SIGLEC9: variants seen among roughly 807,000 people sequenced by gnomAD.
SIGLEC9 encodes the protein sialic acid-binding Ig-like lectin 9.
A neutral mutation model predicts 38.3 loss-of-function variants in SIGLEC9; 26 were observed. The observed-to-expected ratio is 0.68, with a 90% confidence interval of 0.50 to 0.94. The LOEUF (loss-of-function observed/expected upper bound fraction) is 0.94. SIGLEC9 is among the 40% of genes least tolerant of loss of function. The pLI, the probability that SIGLEC9 is intolerant of heterozygous loss-of-function variation, is 0.00. For missense variants in SIGLEC9, 556 were observed against 585.7 expected (o/e 0.95, Z 0.52); for synonymous variants, 236 against 248.0 (o/e 0.95, Z 0.45).
At chr19:51,119,834 T>A in the SIGLEC9 span, among the ~76,000 whole-genome samples, 1 of 152,210 alleles carries the variant, frequency 6.6e-6, no homozygotes, top group Non-Finnish European at 1.5e-5. Flanking sequence ...TGCTCATGGC[T>A]CAAGGCACAG....
rs770809960 is a variant in SIGLEC9, at chr19:51,129,965, G to A, written c.1278G>A (p.Val426=). 1 of 1,614,006 alleles carries A rather than the reference G, an allele frequency of 6.2e-7. No homozygotes were observed. ...CCCCAGCTTCTGCCCGCTCCTCAGT[G>A]GGGGAAGGAGAGCTCCAGTATGCAT... The part of the protein sequence containing the change: ...QPPPASARSS[V]GEGELQYASL... The change falls in exon 7 of 7, where the codon GTG becomes GTA. Residue 426 remains valine (V), a synonymous_variant. Transcript: ENST00000250360.
chr19:51,130,740 A>G (rs150959984), downstream of SIGLEC9, among the ~76,000 whole-genome samples: 561 of 152,194 alleles, frequency 3.7e-3, 2 homozygotes, highest in African/African-American at 0.01. Context: ...CAGCCCATCC[A>G]TGGCTCCTGG....
In SIGLEC9 at chr19:51,125,579, T is replaced by TC. The variant is rs1468906138; in HGVS notation, c.422-13dup. 6.2e-7 allele frequency: 1 copy of TC among 1,607,178 alleles called. No homozygotes were observed. Among genetic ancestry groups the TC allele is most frequent in the African/African-American group, 1.3e-5 (1 of 74,768 alleles). ...ATGGATCCTCTGACCTGATCCTGAG[T>TC]CCCCCTCTCTTCACCAGCCTTGACC... On this transcript the variant is annotated splice_polypyrimidine_tract_variant and intron_variant, in intron 1 of 6. Transcript: ENST00000250360.
chr19:51,128,400 G>T lies in SIGLEC9; in HGVS notation c.1107-14G>T. The T allele has an allele frequency of 6.2e-7, 1 of 1,613,228 alleles. No homozygotes were observed. The highest frequency in any genetic ancestry group is 8.5e-7 in the Non-Finnish European group (1 of 1,179,288). On this transcript the variant is annotated splice_polypyrimidine_tract_variant and intron_variant, in intron 5 of 6. Coordinates refer to ENST00000250360, the MANE Select transcript of SIGLEC9 (RefSeq NM_014441.3). ...TCTGACCACACTGAAAGGCTCTCTG[G>T]TCTCTTCACTCAGAGTGAGGTCCTG...
chr19:51,133,424 A>AC (rs1261448207), downstream of SIGLEC9, among the ~76,000 whole-genome samples: 1 of 151,710 alleles, frequency 6.6e-6, no homozygotes, highest in Non-Finnish European at 1.5e-5. Context: ...AATACAAAAA[A>AC]AAAAAAAAAA....
At chr19:51,121,932 C>T (rs2091951028), upstream of SIGLEC9, among the ~76,000 whole-genome samples, 1 of 151,926 alleles carries the variant, frequency 6.6e-6, no homozygotes, top group African/African-American at 2.4e-5. Flanking sequence ...CCCAGCCTCC[C>T]ATCTTCCCTT....
Position 51,128,456 on chromosome 19 carries a change from C to A in SIGLEC9, c.1149C>A (p.Gly383=). The part of the protein sequence containing the change: ...CRKKSARPAA[G]VGDTGIEDAN... ...AGAAATCGGCAAGGCCAGCAGCGGG[C>A]GTGGGAGATACGGGCATAGAGGATG... Residue 383 remains glycine (G), a synonymous_variant, in exon 6 of 7, where the codon GGC becomes GGA. Coordinates refer to ENST00000250360, the MANE Select transcript of SIGLEC9 (RefSeq NM_014441.3). 6.2e-7 allele frequency: 1 copy of A among 1,614,058 alleles called. No homozygotes were observed. The highest frequency in any genetic ancestry group is 8.5e-7 in the Non-Finnish European group (1 of 1,179,978).
chr19:51,121,929 T>G (rs138553411), upstream of SIGLEC9, among the ~76,000 whole-genome samples: 1 of 149,270 alleles, frequency 6.7e-6, no homozygotes, highest in Non-Finnish European at 1.5e-5. Context: ...CTCCCCAGCC[T>G]CCCATCTTCC....
At chr19:51,128,172 C>T in intron 5 of SIGLEC9, 133 bp downstream of exon 5, 1 of 817,342 alleles carries the variant, frequency 1.2e-6, no homozygotes, top group South Asian at 1.6e-5. Context: ...GTCACAGGTG[C>T]ATGGTGAGAA....
intron 6 of SIGLEC9, 22 bp downstream of exon 6, chr19:51,128,532 C>T: frequency 6.2e-7 from 1 of 1,606,948 alleles, no homozygotes; most frequent in Non-Finnish European, 8.5e-7. Flanking sequence ...GGACTCTCCA[C>T]AGCCAGCATG....
At chr19:51,128,128 C>A in intron 5 of SIGLEC9, 89 bp downstream of exon 5, 1 of 1,076,562 alleles carries the variant, frequency 9.3e-7, no homozygotes, top group Non-Finnish European at 1.4e-6. Flanking sequence ...GCTGGAGGGA[C>A]CTGGATGGGT....
intron 6 of SIGLEC9, among the ~76,000 whole-genome samples, chr19:51,135,342 TTTGGCAGGGTATGAAAATC>T (rs1163481496): frequency 2.4e-4 from 37 of 152,326 alleles, no homozygotes; most frequent in Middle Eastern, 3.4e-3. Flanking sequence ...TGAAGCTTAG[TTTGGCAGGGTATGAAAATC>T]TTGGCTGAAA....
At position 51,125,411 on chromosome 19, in the gene SIGLEC9, C is replaced by T. The variant is rs775045828; in HGVS notation, c.421+16C>T. On this transcript the variant is annotated intron_variant, in intron 1 of 6. Transcript: ENST00000250360. ...AATGTGACAGGTAAGGCACAGGCTC[C>T]AGGAAAGGCCACAGGGAAAGGTCAT... 47 of 1,566,912 alleles carry T rather than the reference C, an allele frequency of 3.0e-5. No homozygotes were observed. The highest frequency in any genetic ancestry group is 1.2e-4 in the South Asian group (10 of 82,362).
Position 51,130,052 on chromosome 19 carries a change from G to T in SIGLEC9, c.1365G>T (p.Glu455Asp). Reference protein sequence around the residue: ...DSRGQEATDTEYSEIKIHR With the variant: ...DSRGQEATDTDYSEIKIHR ...GGGGACAGGAGGCCACTGACACCGA[G>T]TACTCGGAGATCAAGATCCACAGAT... The change falls in exon 7 of 7, where the codon GAG becomes GAT. Residue 455 changes from glutamate to aspartate, a missense_variant. By Grantham distance (45) the Glu-to-Asp change is conservative. Coordinates refer to ENST00000250360, the MANE Select transcript of SIGLEC9 (RefSeq NM_014441.3). The T allele has an allele frequency of 6.2e-7, 1 of 1,613,018 alleles. No homozygotes were observed. Among genetic ancestry groups the T allele is most frequent in the Non-Finnish European group, 8.5e-7 (1 of 1,179,476 alleles).
At chr19:51,136,151 G>A (rs1568616083) in exon 7 of SIGLEC9, 1 of 703,552 alleles carries the variant, frequency 1.4e-6, no homozygotes, top group Non-Finnish European at 2.6e-6. Flanking sequence ...CTGGCTTTTG[G>A]ATGTGTCAGA....
At chr19:51,120,780 C>A, upstream of SIGLEC9, 1 of 168,574 alleles carries the variant, frequency 5.9e-6, no homozygotes. The surrounding 1 kb of genome is among the most constrained non-coding windows in gnomAD (Gnocchi z 4.1). Flanking sequence ...TGGATCAGGA[C>A]CCCCATGCCC....
upstream of SIGLEC9, among the ~76,000 whole-genome samples, chr19:51,121,908 G>A (rs1360689096): frequency 2.6e-5 from 4 of 151,882 alleles, no homozygotes; most frequent in Non-Finnish European, 5.9e-5. Context: ...CTTGATCATT[G>A]TTCCATGCCC....
chr19:51,133,028 A>G (rs570116692), downstream of SIGLEC9, among the ~76,000 whole-genome samples: 9 of 151,744 alleles, frequency 5.9e-5, no homozygotes, highest in Admixed American at 3.3e-4. Context: ...TATTGTAAAT[A>G]TAAGTTTATA....
Position 51,129,840 on chromosome 19 carries a change from C to T in SIGLEC9, c.1204-51C>T, listed in dbSNP as rs541749437. ...CTGGGATTACAGATGTGAGCCACCG[C>T]GCCCCATCCTCACTGTCTGCTCTGA... is the stretch of plus-strand genomic sequence containing the variant. On this transcript the variant is annotated intron_variant, in intron 6 of 6. Transcript: ENST00000250360. The T allele has an allele frequency of 6.5e-5, 88 of 1,351,968 alleles. No individual in the cohort carries two copies. The East Asian group carries it at 1.8e-3, about 27-fold the overall frequency. The allele number at this position is 1,351,968 out of a possible 1,614,324, so 83.7% of individuals were successfully genotyped here.
Sources: allele counts gnomAD v4.1 joint callset (sites outside exome capture counted in the v4.1 genomes callset), GRCh38; gene constraint gnomAD v4.1.1; non-coding constraint Gnocchi (gnomAD v3.1); transcripts MANE v1.5; gene names NCBI Gene and HGNC (gene_info 2026-07-23, HGNC 2026-07-21).